The following NCKAP1L variants were observed in gnomAD, a reference collection of about 807,000 sequenced individuals.
The protein encoded by NCKAP1L is NCK associated protein 1 like.
In NCKAP1L, 53 loss-of-function variants were observed where a neutral mutation model predicts 139.2. That is an observed-to-expected ratio of 0.38 (90% CI 0.31 to 0.48). The LOEUF (loss-of-function observed/expected upper bound fraction) is 0.48. Among genes scored for constraint, NCKAP1L ranks in the 20% least tolerant of loss-of-function variants. The probability of loss-of-function intolerance (pLI) is 0.98; values close to 1 mark genes in which losing one functional copy is unlikely to be tolerated. For missense variants in NCKAP1L, 1,151 were observed against 1,381.9 expected (o/e 0.83, Z 2.65); for synonymous variants, 468 against 499.7 (o/e 0.94, Z 0.85).
chr12:54,498,549 C>A (rs778881891), intron 1 of NCKAP1L, among the ~76,000 whole-genome samples: 1 of 151,696 alleles, frequency 6.6e-6, no homozygotes, highest in Non-Finnish European at 1.5e-5. Context: ...GAGTTCCTGG[C>A]ATAGAAAATA....
intron 30 of NCKAP1L, among the ~76,000 whole-genome samples, chr12:54,540,878 T>C (rs2120982265): frequency 6.6e-6 from 1 of 152,342 alleles, no homozygotes; most frequent in South Asian, 2.1e-4. Flanking sequence ...AGGTACTTTT[T>C]GTTGGAGGGA....
chr12:54,527,895 CT>C (rs1271459868), intron 21 of NCKAP1L, among the ~76,000 whole-genome samples: 1 of 152,150 alleles, frequency 6.6e-6, no homozygotes, highest in East Asian at 1.9e-4. Flanking sequence ...TAAGTAGTGA[CT>C]TTTTTCTTGC....
chr12:54,535,990 T>C (rs1411826525), intron 27 of NCKAP1L, 139 bp from the exon 28 acceptor site: 4 of 635,170 alleles, frequency 6.3e-6, no homozygotes, highest in African/African-American at 3.6e-5. Flanking sequence ...AACTTGCCCA[T>C]AGGCTTTATA....
chr12:54,529,925 A>C (rs1468102464), intron 22 of NCKAP1L, among the ~76,000 whole-genome samples: 3 of 152,348 alleles, frequency 2.0e-5, no homozygotes, highest in East Asian at 3.9e-4. Context: ...TCTGTCAGCT[A>C]CAGAGGGCGA....
intron 3 of NCKAP1L, 120 bp downstream of exon 3, chr12:54,500,745 T>C: frequency 1.4e-6 from 1 of 692,014 alleles, no homozygotes; most frequent in East Asian, 2.6e-5. Context: ...TGTACTAATA[T>C]GGAAGGATAT....
At chr12:54,540,806 A>G (rs1398045771) in intron 30 of NCKAP1L, among the ~76,000 whole-genome samples, 1 of 152,230 alleles carries the variant, frequency 6.6e-6, no homozygotes, top group African/African-American at 2.4e-5. Context: ...AAAATGTGGA[A>G]AGTGTTTGCC....
intron 29 of NCKAP1L, among the ~76,000 whole-genome samples, chr12:54,537,613 G>A (rs1158654817): frequency 1.3e-5 from 2 of 152,110 alleles, no homozygotes; most frequent in Non-Finnish European, 2.9e-5. Flanking sequence ...TCATCTCTAA[G>A]GCCCTTTCTA....
chr12:54,534,345 C>A (rs748299929), intron 26 of NCKAP1L, among the ~76,000 whole-genome samples: 4 of 150,892 alleles, frequency 2.7e-5, no homozygotes, highest in Non-Finnish European at 6.0e-5. Context: ...GGACTTGAAC[C>A]CAGATCTGTC....
chr12:54,518,759 G>A (rs1230215650), intron 14 of NCKAP1L, 27 bp downstream of exon 14: 3 of 1,579,160 alleles, frequency 1.9e-6, no homozygotes, highest in Non-Finnish European at 2.6e-6. Context: ...GGGGGAGGCA[G>A]GACATATGTG....
intron 27 of NCKAP1L, among the ~76,000 whole-genome samples, chr12:54,535,627 C>T (rs1334439181): frequency 6.6e-6 from 1 of 152,236 alleles, no homozygotes; most frequent in Admixed American, 6.5e-5. Flanking sequence ...ATCACCTTGA[C>T]ACTGTTTATT....
rs1416259831 is a variant in NCKAP1L, at chr12:54,518,960, G to T, written c.1467G>T (p.Trp489Cys). The change falls in exon 15 of 31, where the codon TGG becomes TGT. Residue 489 changes from tryptophan to cysteine, a missense_variant. Trp to Cys is a radical substitution (Grantham distance 215). Coordinates refer to ENST00000293373, the MANE Select transcript of NCKAP1L (RefSeq NM_005337.5). ...AATTCTCAGGATTGAGGCTGGACTG[G>T]TTCCGCCTACAGGTAATGATCTGTT... The part of the protein sequence containing the change: ...KFEFSGLRLD[W>C]FRLQAYTSVA... The T allele has an allele frequency of 6.2e-7, 1 of 1,613,850 alleles. No individual in the cohort carries two copies. The highest frequency in any genetic ancestry group is 1.7e-5 in the Admixed American group (1 of 60,018).
chr12:54,504,110 C>A (rs181902285), intron 3 of NCKAP1L, among the ~76,000 whole-genome samples: 1 of 152,068 alleles, frequency 6.6e-6, no homozygotes, highest in Admixed American at 6.6e-5. Context: ...AATTTCTGAT[C>A]GGTGGGATTA....
chr12:54,520,732 C>T lies in NCKAP1L; in HGVS notation c.1664C>T (p.Thr555Ile), dbSNP rs1565678182. 6.2e-7 allele frequency: 1 copy of T among 1,614,146 alleles called. No individual in the cohort carries two copies. Among genetic ancestry groups the T allele is most frequent in the Non-Finnish European group, 8.5e-7 (1 of 1,180,032 alleles). ...LRIFEKMFAM[T>I]LEESAMLRYA... ...ATCTTTGAGAAGATGTTTGCCATGA[C>T]CTTGGAGGAATCTGCCATGTTGCGT... Residue 555 changes from threonine to isoleucine, a missense_variant, in exon 17 of 31, where the codon ACC becomes ATC. By Grantham distance (89) the Thr-to-Ile change is moderately conservative. Coordinates refer to ENST00000293373, the MANE Select transcript of NCKAP1L (RefSeq NM_005337.5).
chr12:54,526,728 C>T lies in NCKAP1L; in HGVS notation c.2357C>T (p.Thr786Ile). 6.2e-7 allele frequency: 1 copy of T among 1,613,966 alleles called. No homozygotes were observed. Among genetic ancestry groups the T allele is most frequent in the South Asian group, 1.1e-5 (1 of 91,064 alleles). ...PLDSCGEQTI[T>I]TLYTNWYLES... ...GATTCCTGTGGGGAACAGACAATCA[C>T]CACACTCTACACAAACTGGTCAGTG... Residue 786 changes from threonine to isoleucine, a missense_variant, in exon 21 of 31, where the codon ACC (threonine) becomes ATC (isoleucine). Transcript: ENST00000293373.
chr12:54,507,728 C>G, intron 3 of NCKAP1L, 125 bp from the exon 4 acceptor site: 1 of 854,490 alleles, frequency 1.2e-6, no homozygotes, highest in Non-Finnish European at 1.9e-6. Context: ...TTCACAGTGA[C>G]TTTTCTCTGT....
chr12:54,533,561 G>C (rs1315924533), intron 26 of NCKAP1L, among the ~76,000 whole-genome samples: 1 of 151,338 alleles, frequency 6.6e-6, no homozygotes, highest in Non-Finnish European at 1.5e-5. Flanking sequence ...GTGTATGTTG[G>C]TATGTCTGTG....
At chr12:54,505,922 A>C (rs1185052532) in intron 3 of NCKAP1L, among the ~76,000 whole-genome samples, 1 of 152,172 alleles carries the variant, frequency 6.6e-6, no homozygotes, top group Non-Finnish European at 1.5e-5. Context: ...TTGGCCTCCC[A>C]AAGTGCTGGG....
At position 54,526,580 on chromosome 12, in the gene NCKAP1L, C is replaced by A. The variant is rs1465143378; in HGVS notation, c.2209C>A (p.Pro737Thr). 1 of 1,613,962 alleles carries A rather than the reference C, an allele frequency of 6.2e-7. No individual in the cohort carries two copies. The change falls in exon 21 of 31, where the codon CCT (proline) becomes ACT (threonine). Residue 737 changes from proline to threonine, a missense_variant. Pro to Thr is a conservative substitution (Grantham distance 38). Coordinates refer to ENST00000293373, the MANE Select transcript of NCKAP1L (RefSeq NM_005337.5). ...YNATTQEIVR[P>T]SELLAGVKAY... ...TGCCACGACCCAGGAGATCGTACGG[C>A]CTTCTGAGCTGTTGGCAGGAGTCAA...
At chr12:54,508,965 A>G (rs917737286) in intron 5 of NCKAP1L, among the ~76,000 whole-genome samples, 1 of 152,194 alleles carries the variant, frequency 6.6e-6, no homozygotes, top group African/African-American at 2.4e-5. Context: ...GGATTATTCA[A>G]TTTGCATCAT....
Sources: allele counts gnomAD v4.1 joint callset (sites outside exome capture counted in the v4.1 genomes callset), GRCh38; gene constraint gnomAD v4.1.1; transcripts MANE v1.5; gene names NCBI Gene and HGNC (gene_info 2026-07-23, HGNC 2026-07-21).